COL4A1: variants seen among roughly 807,000 people sequenced by gnomAD.
COL4A1 encodes collagen alpha-1(IV) chain.
Under a neutral mutation model 216.6 loss-of-function variants are expected in COL4A1, and 40 were observed. The ratio of observed to expected loss-of-function variants is 0.18; its 90% CI spans 0.14 to 0.24. COL4A1 has a LOEUF of 0.24. Among genes scored for constraint, COL4A1 ranks in the 10% least tolerant of loss-of-function variants. The pLI, the probability that COL4A1 is intolerant of heterozygous loss-of-function variation, is 1.00. For synonymous variants in COL4A1, 839 were observed against 810.7 expected (o/e 1.03, Z -0.59); for missense variants, 1,628 against 2,196.8 (o/e 0.74, Z 5.18).
At chr13:110,206,943 T>C (rs1431284801) in intron 13 of COL4A1, 52 bp from the exon 14 acceptor site, 13 of 1,592,794 alleles carry the variant, frequency 8.2e-6, no homozygotes, top group Admixed American at 5.0e-5. Context: ...GTATCATTTG[T>C]TATATGCTGC....
At chr13:110,298,674 T>A (rs1428549287) in intron 1 of COL4A1, 4 of 152,256 alleles carry the variant, frequency 2.6e-5, no homozygotes, top group Non-Finnish European at 1.5e-5. Context: ...GGAAGCCGAG[T>A]GGCCGGGCCT....
intron 12 of COL4A1, among the ~76,000 whole-genome samples, chr13:110,208,143 A>C (rs1043461567): frequency 6.6e-5 from 10 of 152,202 alleles, no homozygotes; most frequent in Non-Finnish European, 1.5e-4. Context: ...CAGCAATGGC[A>C]GGCATCCCTT....
rs1294731590 is a variant in COL4A1 at position 110,205,668 on chromosome 13, G to C, written c.859-130C>G. Reference sequence around the variant, plus strand: ...ACCTGAGGTCAGGAGTTCGAGACCAGCCTGGCCAACATGGCGAAATCCCGT... The same window carrying C: ...ACCTGAGGTCAGGAGTTCGAGACCACCCTGGCCAACATGGCGAAATCCCGT... On this transcript the variant is annotated intron_variant, in intron 15 of 51. Coordinates refer to ENST00000375820, the MANE Select transcript of COL4A1 (RefSeq NM_001845.6). 3.1e-6 allele frequency: 3 copies of C among 975,218 alleles called. No homozygotes were observed. The African/African-American group carries it at 4.9e-5, about 16-fold the overall frequency. 60.4% of individuals were successfully genotyped at this position (975,218 alleles called of 1,614,324 possible).
In COL4A1 at chr13:110,182,009, C is replaced by T. The variant is rs145707380; in HGVS notation, c.2096-620G>A. 1.4e-3 allele frequency among the ~76,000 whole-genome samples: 215 copies of T among 152,338 alleles called. 1 individual carries two copies. Among genetic ancestry groups the T allele is most frequent in the Middle Eastern group, 3.4e-3 (1 of 294 alleles). ...AATCACATCTTCTGTGAGGCTGCTG[C>T]ACAGATAGGGTCTGTCCTCCTCACT... On this transcript the variant is annotated intron_variant, in intron 28 of 51. Coordinates refer to ENST00000375820, the MANE Select transcript of COL4A1 (RefSeq NM_001845.6).
chr13:110,164,748 G>T, intron 46 of COL4A1, 114 bp downstream of exon 46: 1 of 1,427,108 alleles, frequency 7.0e-7, no homozygotes, highest in Non-Finnish European at 9.4e-7. Context: ...ATATTCATAT[G>T]TGTGTGTATA....
intron 42 of COL4A1, among the ~76,000 whole-genome samples, 172 bp from the exon 43 acceptor site, chr13:110,169,934 A>AG (rs891772866): frequency 7.3e-6 from 1 of 137,134 alleles, no homozygotes; most frequent in Non-Finnish European, 1.6e-5. Context: ...GGAAGGAGGG[A>AG]GGGAGGGAGG....
At chr13:110,286,733 C>A (rs1337856367) in intron 1 of COL4A1, among the ~76,000 whole-genome samples, 1 of 152,194 alleles carries the variant, frequency 6.6e-6, no homozygotes, top group Non-Finnish European at 1.5e-5. Context: ...GCTGGCCTCG[C>A]AGAGAGGCAG....
chr13:110,207,933 C>T lies in COL4A1; in HGVS notation c.694-444G>A, dbSNP rs1049269440. On this transcript the variant is annotated intron_variant, in intron 12 of 51. Transcript: ENST00000375820. This position sits in a 1 kb window ranked among gnomAD's most constrained non-coding sequence, Gnocchi z 4.4. The stretch of plus-strand genomic sequence containing the variant: ...CGGGCATCCTAACTGCCGGGTACGC[C>T]TAAAAATTACAACTGCATACATTTC... Among the ~76,000 whole-genome samples the T allele has an allele frequency of 2.0e-5, 3 of 152,172 alleles. No homozygotes were observed. The East Asian group carries it at 5.8e-4, about 29-fold the overall frequency.
At chr13:110,217,795 C>T (rs555753676) in intron 2 of COL4A1, among the ~76,000 whole-genome samples, 1 of 152,100 alleles carries the variant, frequency 6.6e-6, no homozygotes, top group Non-Finnish European at 1.5e-5. Flanking sequence ...TGAAAGAATA[C>T]AACATGGAGA....
At chr13:110,295,422 C>CTTTTT (rs5806848) in intron 1 of COL4A1, among the ~76,000 whole-genome samples, 2 of 88,186 alleles carry the variant, frequency 2.3e-5, no homozygotes, top group African/African-American at 8.2e-5. Context: ...AGTTCACTTC[C>CTTTTT]TTTTTTTTTT....
chr13:110,163,984 CT>C lies in COL4A1; in HGVS notation c.4151-424del, dbSNP rs58236306. Among the ~76,000 whole-genome samples, 866 of 110,182 alleles carry C rather than the reference CT, an allele frequency of 7.9e-3. 13 individuals are homozygous for C. In the East Asian group the frequency reaches 0.09, roughly 11 times the overall value. 72.3% of individuals were successfully genotyped at this position (110,182 alleles called of 152,430 possible). A position where few individuals can be genotyped will look rare whatever the true frequency, so the allele number is the denominator to read the frequency against. On this transcript the variant is annotated intron_variant, in intron 46 of 51. Coordinates refer to ENST00000375820, the MANE Select transcript of COL4A1 (RefSeq NM_001845.6). ...GTTCTTCTTCTTTCTTTCTCTCTCT[CT>C]TTTTTTTTTTTTTTTTTTTTTGAGA... is the stretch of plus-strand genomic sequence containing the variant.
chr13:110,189,140 C>T (rs1465168610), intron 24 of COL4A1, among the ~76,000 whole-genome samples: 7 of 152,274 alleles, frequency 4.6e-5, no homozygotes, highest in Non-Finnish European at 7.4e-5. Flanking sequence ...CTCGGCTCAC[C>T]GCAACCTCCG....
intron 1 of COL4A1, among the ~76,000 whole-genome samples, chr13:110,273,295 A>G (rs778342063): frequency 2.6e-5 from 4 of 152,224 alleles, no homozygotes; most frequent in Non-Finnish European, 5.9e-5. Context: ...TGAAGGACCT[A>G]AAGGTCTATT....
chr13:110,193,145 G>A (rs987910785), intron 22 of COL4A1, among the ~76,000 whole-genome samples: 1 of 152,216 alleles, frequency 6.6e-6, no homozygotes, highest in African/African-American at 2.4e-5. Context: ...CACGCGTCAC[G>A]TGTGACCACA....
At chr13:110,162,518 A>G (rs1374466225) in intron 47 of COL4A1, 76 bp from the exon 48 acceptor site, 4 of 1,113,224 alleles carry the variant, frequency 3.6e-6, no homozygotes, top group Admixed American at 3.6e-5. Flanking sequence ...CATTTTCTCC[A>G]AAGAGTTTTT....
intron 8 of COL4A1, 59 bp from the exon 9 acceptor site, chr13:110,210,271 T>C: frequency 3.3e-6 from 5 of 1,534,230 alleles, no homozygotes; most frequent in Non-Finnish European, 3.6e-6. Context: ...GTAAAGAAGC[T>C]GAAAACTCTT....
rs567285681 is a variant in COL4A1 at position 110,212,297 on chromosome 13, C to T, written c.387+120G>A. The stretch of plus-strand genomic sequence containing the variant: ...TTACTAAATAAAGCAAACTTTAAGA[C>T]AAGCAACTTTCCAATTGTGGCAAAT... On this transcript the variant is annotated intron_variant, in intron 6 of 51. Transcript: ENST00000375820. The T allele has an allele frequency of 2.6e-4, 319 of 1,243,714 alleles. 1 individual carries two copies. The African/African-American group carries it at 4.5e-3, about 18-fold the overall frequency. The allele number at this position is 1,243,714 out of a possible 1,614,324, so 77.0% of individuals were successfully genotyped here. A position where few individuals can be genotyped will look rare whatever the true frequency, so the allele number is the denominator to read the frequency against.
At position 110,166,262 on chromosome 13, in the gene COL4A1, G is replaced by C; in HGVS notation, c.3991C>G (p.Gln1331Glu). 1 of 1,612,456 alleles carries C rather than the reference G, an allele frequency of 6.2e-7. No homozygotes were observed. ...LPGLQGIKGD[Q>E]GDQGVPGAKG... ...GCTCCCGGGACGCCTTGATCGCCTT[G>C]ATCACCTTTAATTCCCTGGAGGCCA... Residue 1331 changes from glutamine (Q) to glutamate (E), a missense_variant, in exon 45 of 52, where the codon CAA becomes GAA. Transcript: ENST00000375820.
rs1378339296 is a variant in COL4A1 at position 110,176,740 on chromosome 13, G to T, written c.2870-16C>A. 5 of 1,613,802 alleles carry T rather than the reference G, an allele frequency of 3.1e-6. No homozygotes were observed. The Admixed American group carries it at 6.7e-5, about 22-fold the overall frequency. ...CCAATTTGTCCTACACATCAGAGAA[G>T]AAAATAGCAATGACCCGCATTTGCT... On this transcript the variant is annotated splice_polypyrimidine_tract_variant and intron_variant, in intron 34 of 51. Coordinates refer to ENST00000375820, the MANE Select transcript of COL4A1 (RefSeq NM_001845.6).
Sources: gnomAD v4.1 joint callset for allele counts (sites outside exome capture counted in the v4.1 genomes callset) on GRCh38, gnomAD v4.1.1 for gene constraint, Gnocchi (gnomAD v3.1) non-coding constraint, MANE v1.5 for transcripts, NCBI Gene and HGNC (gene_info 2026-07-23, HGNC 2026-07-21) for gene names.